Variants in ANO1 observed in about 807,000 individuals in gnomAD.
The protein encoded by ANO1 is anoctamin 1.
In ANO1, 59 loss-of-function variants were observed where a neutral mutation model predicts 124.0. The ratio of observed to expected loss-of-function variants is 0.48; its 90% CI spans 0.39 to 0.59. ANO1 has a LOEUF of 0.59. Ranked by LOEUF, ANO1 falls within the 20% of genes least tolerant of loss-of-function variation. ANO1 has a pLI of 0.00. For synonymous variants in ANO1, 529 were observed against 532.0 expected (o/e 0.99, Z 0.08); for missense variants, 1,059 against 1,328.0 (o/e 0.80, Z 3.15).
At chr11:70,081,146 A>T (rs936685949) in intron 1 of ANO1, among the ~76,000 whole-genome samples, 1 of 152,228 alleles carries the variant, frequency 6.6e-6, no homozygotes, top group Non-Finnish European at 1.5e-5. Flanking sequence ...TCCCAAGTTC[A>T]AGGGTGGAAA....
chr11:70,084,774 C>G (rs115498075), intron 1 of ANO1, among the ~76,000 whole-genome samples: 1 of 152,184 alleles, frequency 6.6e-6, no homozygotes, highest in Non-Finnish European at 1.5e-5. Flanking sequence ...TAACCACTGC[C>G]CCAGGCTGGG....
chr11:70,163,472 G>A, intron 19 of ANO1, 132 bp downstream of exon 19: 1 of 1,186,814 alleles, frequency 8.4e-7, no homozygotes, highest in South Asian at 1.3e-5. Context: ...CCTTCTTGCT[G>A]GAAACTTTTC....
chr11:70,161,252 G>A lies in ANO1; in HGVS notation c.1670G>A (p.Arg557Gln), dbSNP rs776853021. 12 of 1,613,770 alleles carry A rather than the reference G, an allele frequency of 7.4e-6. No individual in the cohort carries two copies. The highest frequency in any genetic ancestry group is 1.6e-4 in the Middle Eastern group (1 of 6,084). ...GCCATGAACTCCTCCCCCTCCGTGC[G>A]GTCCAACATCCGGGTCACAGTCACA... ...ALAMNSSPSV[R>Q]SNIRVTVTAT... is the part of the protein sequence containing the mutation. Residue 557 changes from arginine (R) to glutamine (Q), a missense_variant, in exon 17 of 26, where the codon CGG (arginine) becomes CAG (glutamine). Physicochemically the swap from Arg to Gln is conservative, Grantham distance 43 (BLOSUM62 1). Transcript: ENST00000355303.
At position 70,176,270 on chromosome 11, in the gene ANO1, C is replaced by G. The variant is rs149590621; in HGVS notation, c.2351-3734C>G. ...TCAAGCGATTCTCCTGCCTCAGCAT[C>G]CTGAGTAGCTGGGATTGCAGGTGTG... is the stretch of plus-strand genomic sequence containing the variant. On this transcript the variant is annotated intron_variant, in intron 22 of 25. Coordinates refer to ENST00000355303, the MANE Select transcript of ANO1 (RefSeq NM_018043.7). 1.5e-3 allele frequency among the ~76,000 whole-genome samples: 227 copies of G among 151,754 alleles called. 2 individuals carry two copies. Among genetic ancestry groups the G allele is most frequent in the African/African-American group, 5.2e-3 (216 of 41,370 alleles).
upstream of ANO1, chr11:70,074,839 T>A (rs2044038852): frequency 6.6e-6 from 1 of 152,260 alleles, no homozygotes; most frequent in Admixed American, 6.5e-5. Context: ...CAGAGGATGA[T>A]CCAGCCCCAC....
intron 14 of ANO1, 59 bp from the exon 15 acceptor site, chr11:70,155,852 T>C: frequency 6.9e-7 from 1 of 1,455,208 alleles, no homozygotes; most frequent in South Asian, 1.3e-5. Context: ...GGCCCCGCGG[T>C]CTGCGGTGCC....
At chr11:69,974,987 C>T in the ANO1 span, among the ~76,000 whole-genome samples, 1 of 151,986 alleles carries the variant, frequency 6.6e-6, no homozygotes, top group Non-Finnish European at 1.5e-5. Flanking sequence ...AAAGACTAAA[C>T]TGCCCTGAGA....
chr11:70,085,650 T>G, intron 1 of ANO1: 1 of 1,513,940 alleles, frequency 6.6e-7, no homozygotes, highest in Non-Finnish European at 8.8e-7. Flanking sequence ...TCTAGACCCT[T>G]GACATCAACA....
chr11:69,992,093 G>T (rs904843880), intron 1 of ANO1, among the ~76,000 whole-genome samples: 3 of 152,184 alleles, frequency 2.0e-5, no homozygotes, highest in Admixed American at 2.0e-4. Context: ...CCTAGCCCAG[G>T]GCCTGGCCAT....
In ANO1 at chr11:70,158,126, C is replaced by T. The variant is rs115482923; in HGVS notation, c.1578+1105C>T. Among the ~76,000 whole-genome samples, 924 of 152,122 alleles carry T rather than the reference C, an allele frequency of 6.1e-3. 8 individuals are homozygous for T. The highest frequency in any genetic ancestry group is 0.021 in the African/African-American group (875 of 41,488). ...AGAAAACTATTAAATAAATAACATG[C>T]AGACAGGACACGATAGTGCTACTCA... is the stretch of plus-strand genomic sequence containing the variant. On this transcript the variant is annotated intron_variant, in intron 16 of 25. Transcript: ENST00000355303.
At chr11:70,085,661 C>T (rs897045593) in intron 1 of ANO1, 218 of 1,490,738 alleles carry the variant, frequency 1.5e-4, no homozygotes, top group Non-Finnish European at 1.9e-4. Context: ...GACATCAACA[C>T]CTATGAAAGG....
intron 11 of ANO1, 75 bp from the exon 12 acceptor site, chr11:70,149,635 A>G (rs1381915688): frequency 6.8e-7 from 1 of 1,467,582 alleles, no homozygotes. Flanking sequence ...GGGCAACAAG[A>G]GCAAAACTCT....
At chr11:70,110,081 GAGTGGCACA>G (rs2045709602) in intron 6 of ANO1, among the ~76,000 whole-genome samples, 1 of 152,144 alleles carries the variant, frequency 6.6e-6, no homozygotes, top group South Asian at 2.1e-4. Flanking sequence ...CAGATGGAGG[GAGTGGCACA>G]TGCAAAGGCC....
intron 1 of ANO1, chr11:70,015,589 T>C (rs952571700): frequency 6.6e-6 from 1 of 152,596 alleles, no homozygotes; most frequent in Non-Finnish European, 1.5e-5. Flanking sequence ...TGATACGGGC[T>C]CCTGCTGGTG....
intron 25 of ANO1, among the ~76,000 whole-genome samples, chr11:70,186,312 G>A (rs574082845): frequency 5.5e-5 from 8 of 144,908 alleles, no homozygotes; most frequent in Non-Finnish European, 1.1e-4. Context: ...GAGAAAAGAA[G>A]GAGAAGGAGA....
At chr11:70,095,913 C>T (rs1209378347) in intron 2 of ANO1, among the ~76,000 whole-genome samples, 2 of 152,220 alleles carry the variant, frequency 1.3e-5, no homozygotes, top group Non-Finnish European at 2.9e-5. Flanking sequence ...TTTTCCAAGT[C>T]AGCTATGTCA....
At chr11:70,042,851 G>T (rs1857204808) in intron 1 of ANO1, among the ~76,000 whole-genome samples, 1 of 152,040 alleles carries the variant, frequency 6.6e-6, no homozygotes, top group African/African-American at 2.4e-5. Context: ...TGGATTCGAT[G>T]GATTCTAAGC....
intron 1 of ANO1, among the ~76,000 whole-genome samples, chr11:70,005,423 G>A (rs1554999903): frequency 6.6e-6 from 1 of 152,140 alleles, no homozygotes; most frequent in African/African-American, 2.4e-5. Context: ...AATGTCAATG[G>A]AAATAAAACG....
At chr11:70,135,133 C>G (rs756637337) in intron 11 of ANO1, among the ~76,000 whole-genome samples, 1 of 152,102 alleles carries the variant, frequency 6.6e-6, no homozygotes, top group South Asian at 2.1e-4. Context: ...GTGAGAGAAG[C>G]GATTGGGAGC....
Sources: gnomAD v4.1 joint callset for allele counts (sites outside exome capture counted in the v4.1 genomes callset) on GRCh38, gnomAD v4.1.1 for gene constraint, MANE v1.5 for transcripts, NCBI Gene and HGNC (gene_info 2026-07-23, HGNC 2026-07-21) for gene names.